PWWP3B: variants seen among roughly 807,000 people sequenced by gnomAD.
PWWP3B encodes PWWP domain containing 3B.
PWWP3B carries 5 observed loss-of-function variants against 15.7 expected under a neutral mutation model. The observed-to-expected ratio is 0.32, with a 90% CI of 0.17 to 0.67. PWWP3B has a LOEUF of 0.67. Ranked by LOEUF, PWWP3B falls within the 30% of genes least tolerant of loss-of-function variation. The probability of loss-of-function intolerance (pLI) is 0.74; values close to 1 mark genes in which losing one functional copy is unlikely to be tolerated. For synonymous variants in PWWP3B, 203 were observed against 179.8 expected, an observed-to-expected ratio of 1.13 and a Z score of -1.03; for missense variants, 519 against 493.1, an observed-to-expected ratio of 1.05 and a Z score of -0.50.
At chrX:106,199,413 T>G (rs1159521144) in intron 2 of PWWP3B, among the ~76,000 whole-genome samples, 1 of 111,732 alleles carries the variant, frequency 8.9e-6, no homozygotes, top group African/African-American at 3.3e-5. Context: ...AAAAAAAGAC[T>G]GGAAAACAGA....
intron 2 of PWWP3B, among the ~76,000 whole-genome samples, chrX:106,197,883 T>A (rs1214582836): frequency 8.9e-6 from 1 of 111,825 alleles, no homozygotes. Flanking sequence ...AAGTTATGAA[T>A]GACATTCTCT....
chrX:106,189,089 T>A (rs1332247889), intron 2 of PWWP3B, among the ~76,000 whole-genome samples: 2 of 112,432 alleles, frequency 1.8e-5, no homozygotes, highest in Non-Finnish European at 3.8e-5. Context: ...TTTTCTAAAG[T>A]AGCTGTGACA....
intron 1 of PWWP3B, among the ~76,000 whole-genome samples, 182 bp from the exon 2 acceptor site, chrX:106,170,830 G>A (rs954586531): frequency 9.0e-6 from 1 of 111,396 alleles, no homozygotes; most frequent in Non-Finnish European, 1.9e-5. Context: ...TAGCATGAAC[G>A]AAATAACATA....
chrX:106,183,432 T>G (rs981329301), intron 2 of PWWP3B, among the ~76,000 whole-genome samples: 2 of 111,730 alleles, frequency 1.8e-5, no homozygotes, highest in Non-Finnish European at 3.8e-5. Flanking sequence ...TGGGCATTTT[T>G]TGCCCTTCCG....
chrX:106,207,591 A>T lies in PWWP3B; in HGVS notation c.*68A>T. On this transcript the variant is annotated 3_prime_UTR_variant, in exon 4 of 4. Transcript: ENST00000357175. ...ACTAGTTGAAAAAAGTCTCTGAACA[A>T]TTCTCTCTAATACATATTTTCTGCA... 1.6e-5 allele frequency: 16 copies of T among 1,013,362 alleles called. No homozygotes were observed. Among genetic ancestry groups the T allele is most frequent in the Non-Finnish European group, 2.1e-5 (16 of 769,235 alleles). 83.5% of individuals were successfully genotyped at this position (1,013,362 alleles called of 1,213,427 possible). A position where few individuals can be genotyped will look rare whatever the true frequency, so the allele number is the denominator to read the frequency against.
At chrX:106,177,702 C>CA (rs1395309798) in intron 2 of PWWP3B, among the ~76,000 whole-genome samples, 4 of 111,581 alleles carry the variant, frequency 3.6e-5, no homozygotes, top group Admixed American at 9.5e-5. Context: ...TTATTCTACA[C>CA]AAAAAATGAT....
At chrX:106,200,037 C>G (rs1923608338) in intron 2 of PWWP3B, among the ~76,000 whole-genome samples, 1 of 111,783 alleles carries the variant, frequency 8.9e-6, no homozygotes, top group Non-Finnish European at 1.9e-5. Context: ...TACCCAGCCT[C>G]TATGCCAGTT....
At chrX:106,194,211 C>T (rs1923212936) in intron 2 of PWWP3B, among the ~76,000 whole-genome samples, 1 of 111,614 alleles carries the variant, frequency 9.0e-6, no homozygotes, top group African/African-American at 3.3e-5. Flanking sequence ...TTCACATAGT[C>T]CCATATTTCT....
At chrX:106,187,209 A>G (rs1922570943) in intron 2 of PWWP3B, among the ~76,000 whole-genome samples, 1 of 112,197 alleles carries the variant, frequency 8.9e-6, no homozygotes, top group Admixed American at 9.4e-5. Context: ...TGCCAGGAAG[A>G]ACTCTGAAGT....
chrX:106,206,058 A>C lies in PWWP3B; in HGVS notation c.626A>C (p.Lys209Thr), dbSNP rs758837829. Residue 209 changes from lysine to threonine, a missense_variant, in exon 4 of 4, where the codon AAG becomes ACG. By Grantham distance (78) the Lys-to-Thr change is moderately conservative. Coordinates refer to ENST00000357175, the MANE Select transcript of PWWP3B (RefSeq NM_001171020.2). Reference sequence around the variant, plus strand: ...GAAGATAATGATGAAAAAGAGAACAAGAATAAGATTGATATCTCAGCAGTT... The same window carrying C: ...GAAGATAATGATGAAAAAGAGAACACGAATAAGATTGATATCTCAGCAGTT... ...LSEDNDEKEN[K>T]NKIDISAVMS... is the part of the protein sequence containing the mutation. 1 of 1,209,264 alleles carries C rather than the reference A, an allele frequency of 8.3e-7. No homozygotes were observed. Among genetic ancestry groups the C allele is most frequent in the Non-Finnish European group, 1.1e-6 (1 of 894,629 alleles).
chrX:106,185,979 A>G (rs1922485148), intron 2 of PWWP3B, among the ~76,000 whole-genome samples: 1 of 111,830 alleles, frequency 8.9e-6, no homozygotes, highest in African/African-American at 3.3e-5. Context: ...CTGATTGGTG[A>G]GCCCAGGTGC....
chrX:106,195,419 A>G (rs933861473), intron 2 of PWWP3B, among the ~76,000 whole-genome samples: 4 of 111,598 alleles, frequency 3.6e-5, no homozygotes, highest in Non-Finnish European at 7.5e-5. Context: ...CTAGACCAAA[A>G]TCTTAAAGAT....
chrX:106,204,857 G>A (rs1923898359), intron 3 of PWWP3B, among the ~76,000 whole-genome samples: 1 of 111,415 alleles, frequency 9.0e-6, no homozygotes, highest in Admixed American at 9.5e-5. Flanking sequence ...GTTAAGTTTG[G>A]AGACCCACTG....
At chrX:106,184,516 C>G (rs1359597561) in intron 2 of PWWP3B, among the ~76,000 whole-genome samples, 2 of 111,419 alleles carry the variant, frequency 1.8e-5, no homozygotes, top group Non-Finnish European at 3.8e-5. Flanking sequence ...GGATCCATTA[C>G]CGGGGATGGC....
At chrX:106,173,146 A>G (rs1360009726) in intron 2 of PWWP3B, among the ~76,000 whole-genome samples, 2 of 111,668 alleles carry the variant, frequency 1.8e-5, no homozygotes, top group Non-Finnish European at 3.8e-5. Context: ...GCTGAGCCTC[A>G]TTGTGTCCGT....
At chrX:106,193,011 A>G (rs1313331396) in intron 2 of PWWP3B, among the ~76,000 whole-genome samples, 1 of 111,582 alleles carries the variant, frequency 9.0e-6, no homozygotes, top group Non-Finnish European at 1.9e-5. Flanking sequence ...AATAGAATGT[A>G]TATTTTGTTG....
At chrX:106,190,266 G>A (rs1922836805) in intron 2 of PWWP3B, among the ~76,000 whole-genome samples, 1 of 112,010 alleles carries the variant, frequency 8.9e-6, no homozygotes, top group African/African-American at 3.3e-5. Context: ...TCTCATTGTG[G>A]TTTTGATTTG....
chrX:106,200,500 TTA>T (rs1005301204), intron 2 of PWWP3B, among the ~76,000 whole-genome samples: 4 of 111,042 alleles, frequency 3.6e-5, no homozygotes, highest in African/African-American at 9.8e-5. Flanking sequence ...AAAATTGTAA[TTA>T]TATATATATG....
intron 2 of PWWP3B, among the ~76,000 whole-genome samples, chrX:106,176,914 C>T (rs1383421723): frequency 8.9e-6 from 1 of 112,400 alleles, no homozygotes; most frequent in Non-Finnish European, 1.9e-5. Context: ...TGTATTAATT[C>T]ATTGCAGTAC....
Sources: gnomAD v4.1 joint callset for allele counts (sites outside exome capture counted in the v4.1 genomes callset) on GRCh38, gnomAD v4.1.1 for gene constraint, MANE v1.5 for transcripts, NCBI Gene and HGNC (gene_info 2026-07-23, HGNC 2026-07-21) for gene names.